The following RANBP17 variants were observed in gnomAD, a reference collection of about 807,000 sequenced individuals.
The protein encoded by RANBP17 is ran-binding protein 17.
Under a neutral mutation model 141.2 loss-of-function variants are expected in RANBP17, and 158 were observed. The ratio of observed to expected loss-of-function variants is 1.12; its 90% CI spans 0.98 to 1.28. RANBP17 has a LOEUF of 1.28. RANBP17 is among the 50% of genes most tolerant of loss of function. The pLI is 0.00. For synonymous variants in RANBP17, 430 were observed against 450.0 expected (o/e 0.96, Z 0.56); for missense variants, 1,438 against 1,290.7 (o/e 1.11, Z -1.75).
intron 14 of RANBP17, among the ~76,000 whole-genome samples, chr5:171,135,949 T>C (rs917434109): frequency 7.2e-5 from 11 of 152,194 alleles, no homozygotes; most frequent in African/African-American, 2.7e-4. Context: ...GTTTAAAGAA[T>C]ACTGGGTGAT....
intron 13 of RANBP17, among the ~76,000 whole-genome samples, chr5:170,966,845 G>C (rs925160256): frequency 6.6e-6 from 1 of 151,988 alleles, no homozygotes; most frequent in Non-Finnish European, 1.5e-5. Context: ...CTTCAGCAAA[G>C]TCTCAGGATA....
chr5:171,003,181 T>G (rs1779347999), intron 14 of RANBP17, among the ~76,000 whole-genome samples: 1 of 152,106 alleles, frequency 6.6e-6, no homozygotes, highest in African/African-American at 2.4e-5. Context: ...TCCTGGTCCT[T>G]GTGTAAGAAT....
intron 14 of RANBP17, among the ~76,000 whole-genome samples, chr5:170,973,944 C>G (rs1024896398): frequency 9.2e-5 from 14 of 152,160 alleles, no homozygotes; most frequent in African/African-American, 2.9e-4. Context: ...AAGGCCCTAC[C>G]TCTTAATATC....
chr5:171,039,298 A>T (rs560242715), intron 14 of RANBP17, among the ~76,000 whole-genome samples: 1 of 143,186 alleles, frequency 7.0e-6, no homozygotes, highest in Non-Finnish European at 1.5e-5. Context: ...CTGGTGTGAC[A>T]TGGTTTTGAT....
intron 14 of RANBP17, among the ~76,000 whole-genome samples, chr5:171,137,950 G>GAC (rs1554103881): frequency 6.9e-6 from 1 of 144,794 alleles, no homozygotes; most frequent in African/African-American, 2.5e-5. Context: ...TGATATATGA[G>GAC]ATATATATAT....
intron 20 of RANBP17, among the ~76,000 whole-genome samples, chr5:171,209,680 A>G (rs1378458179): frequency 6.6e-6 from 1 of 152,190 alleles, no homozygotes; most frequent in Non-Finnish European, 1.5e-5. Flanking sequence ...TGCTTTTTGC[A>G]AGATATAGAA....
At chr5:171,127,608 C>A (rs1051846364) in intron 14 of RANBP17, among the ~76,000 whole-genome samples, 2 of 152,090 alleles carry the variant, frequency 1.3e-5, no homozygotes, top group African/African-American at 4.8e-5. Flanking sequence ...TGAAAAAAAT[C>A]TTCACTATTA....
intron 3 of RANBP17, among the ~76,000 whole-genome samples, chr5:170,887,518 GT>G (rs1769261762): frequency 6.6e-6 from 1 of 152,184 alleles, no homozygotes; most frequent in Non-Finnish European, 1.5e-5. Flanking sequence ...ATGTCCAGTT[GT>G]TCCAGCACTA....
At chr5:171,092,658 A>G (rs959681337) in intron 14 of RANBP17, among the ~76,000 whole-genome samples, 3 of 152,150 alleles carry the variant, frequency 2.0e-5, no homozygotes, top group East Asian at 1.9e-4. Flanking sequence ...GCTTAATGGT[A>G]TTTGTCACCT....
At chr5:170,907,142 T>C (rs761414828) in intron 5 of RANBP17, among the ~76,000 whole-genome samples, 61 of 151,922 alleles carry the variant, frequency 4.0e-4, no homozygotes, top group Admixed American at 9.8e-4. Flanking sequence ...AGAACTACAC[T>C]TGAGTTTTCC....
chr5:170,863,856 A>C (rs371005831), intron 1 of RANBP17, among the ~76,000 whole-genome samples: 1 of 150,700 alleles, frequency 6.6e-6, no homozygotes, highest in Middle Eastern at 3.2e-3. Context: ...ACATTCCAAC[A>C]TAAGTACTTC....
intron 22 of RANBP17, among the ~76,000 whole-genome samples, chr5:171,231,701 G>A (rs1242160436): frequency 2.6e-5 from 4 of 152,030 alleles, no homozygotes; most frequent in South Asian, 2.1e-4. Flanking sequence ...CTTTAAATAC[G>A]GGGAATTTAT....
intron 13 of RANBP17, among the ~76,000 whole-genome samples, chr5:170,955,614 AGT>A (rs1554141263): frequency 9.0e-5 from 2 of 22,196 alleles, no homozygotes; most frequent in Non-Finnish European, 1.8e-4. Context: ...ATATATGCTC[AGT>A]GTATATATAT....
rs180715837 is a variant in RANBP17 at position 171,253,399 on chromosome 5, C to T, written c.2776+10579C>T. ...ACACACTGCATAAATTTGCCTGGTT[C>T]AGTATGTATAGAAGCATATTCAGTG... On this transcript the variant is annotated intron_variant, in intron 24 of 27. Transcript: ENST00000523189. 1.1e-4 allele frequency among the ~76,000 whole-genome samples: 16 copies of T among 152,268 alleles called. No homozygotes were observed. In the East Asian group the frequency reaches 2.3e-3, roughly 22 times the overall value.
intron 14 of RANBP17, among the ~76,000 whole-genome samples, chr5:171,137,509 G>A (rs763254289): frequency 2.6e-5 from 4 of 151,496 alleles, no homozygotes; most frequent in African/African-American, 9.7e-5. Flanking sequence ...AGTGGTCCCT[G>A]TATGAAGCCA....
chr5:171,296,236 T>C (rs1360185114), intron 27 of RANBP17, among the ~76,000 whole-genome samples: 1 of 152,158 alleles, frequency 6.6e-6, no homozygotes, highest in African/African-American at 2.4e-5. Flanking sequence ...ATTAATAAAA[T>C]GTAGTCTCTG....
At chr5:171,030,677 T>G (rs1447697845) in intron 14 of RANBP17, among the ~76,000 whole-genome samples, 1 of 152,028 alleles carries the variant, frequency 6.6e-6, no homozygotes, top group Admixed American at 6.6e-5. Context: ...AATCTCAACA[T>G]TAAACCAAGA....
intron 22 of RANBP17, among the ~76,000 whole-genome samples, chr5:171,239,086 C>G (rs1325517145): frequency 6.6e-6 from 1 of 152,122 alleles, no homozygotes; most frequent in Non-Finnish European, 1.5e-5. Flanking sequence ...TGAGTTGAAT[C>G]TTTATGCAAC....
chr5:170,894,325 G>C (rs892645486), intron 4 of RANBP17, among the ~76,000 whole-genome samples: 1 of 151,914 alleles, frequency 6.6e-6, no homozygotes, highest in African/African-American at 2.4e-5. Context: ...ATTCTTGTTG[G>C]CTAACATTTC....
Sources: gnomAD v4.1 joint callset for allele counts (sites outside exome capture counted in the v4.1 genomes callset) on GRCh38, gnomAD v4.1.1 for gene constraint, MANE v1.5 for transcripts, NCBI Gene and HGNC (gene_info 2026-07-23, HGNC 2026-07-21) for gene names.